CFAP77: variants seen among roughly 807,000 people sequenced by gnomAD.
The protein encoded by CFAP77 is cilia- and flagella-associated protein 77.
Under a neutral mutation model 31.1 loss-of-function variants are expected in CFAP77, and 25 were observed. That is an observed-to-expected ratio of 0.80 (90% CI 0.59 to 1.12). The LOEUF is 1.12. Among genes scored for constraint, CFAP77 ranks in the 50% most tolerant of loss-of-function variants. The pLI is 0.00. For synonymous variants in CFAP77, 151 were observed against 159.9 expected, an observed-to-expected ratio of 0.94 and a Z score of 0.42; for missense variants, 377 against 397.3, an observed-to-expected ratio of 0.95 and a Z score of 0.44.
chr9:132,446,655 A>C (rs1003059367), intron 1 of CFAP77, among the ~76,000 whole-genome samples: 8 of 148,328 alleles, frequency 5.4e-5, no homozygotes, highest in African/African-American at 1.7e-4. Flanking sequence ...GCAGGAGAAT[A>C]GTGTGAACCC....
intron 4 of CFAP77, among the ~76,000 whole-genome samples, chr9:132,540,539 A>G (rs1852623085): frequency 1.3e-5 from 2 of 152,218 alleles, no homozygotes; most frequent in Admixed American, 1.3e-4. Context: ...GCCCTATCAC[A>G]AAAGACAGAT....
rs533605146 is a variant in CFAP77 at position 132,497,731 on chromosome 9, G to A, written c.196-964G>A. Reference sequence around the variant, plus strand: ...ATGGTAATGAGACCTGCCTCACTGCGCAGCTATGCAGACGGCATGAGGGAA... The same window carrying A: ...ATGGTAATGAGACCTGCCTCACTGCACAGCTATGCAGACGGCATGAGGGAA... On this transcript the variant is annotated intron_variant, in intron 1 of 5. Transcript: ENST00000393216. The surrounding 1 kb of genome is among the most constrained non-coding windows in gnomAD (Gnocchi z 4.9). Among the ~76,000 whole-genome samples, 10 of 152,218 alleles carry A rather than the reference G, an allele frequency of 6.6e-5. No individual in the cohort carries two copies. The highest frequency in any genetic ancestry group is 1.9e-4 in the East Asian group (1 of 5,170).
intron 5 of CFAP77, among the ~76,000 whole-genome samples, chr9:132,559,186 T>C (rs1852953014): frequency 6.7e-6 from 1 of 150,198 alleles, no homozygotes; most frequent in Non-Finnish European, 1.5e-5. Context: ...CTACTAAAAA[T>C]ACAAAAAAAT....
chr9:132,438,707 G>A (rs1048505069), intron 1 of CFAP77, among the ~76,000 whole-genome samples: 3 of 148,652 alleles, frequency 2.0e-5, no homozygotes, highest in Non-Finnish European at 4.5e-5. Context: ...GGCTAATTTT[G>A]TATTTTTTAT....
At chr9:132,459,420 G>GGTGTGTGTGTGTGTGTGTGTGT (rs112825234) in intron 1 of CFAP77, among the ~76,000 whole-genome samples, 5 of 143,866 alleles carry the variant, frequency 3.5e-5, no homozygotes, top group East Asian at 2.0e-4. Flanking sequence ...GGATGAATAG[G>GGTGTGTGTGTGTGTGTGTGTGT]GTGTGTGTGT....
intron 1 of CFAP77, among the ~76,000 whole-genome samples, chr9:132,488,758 C>T (rs1025216659): frequency 1.3e-5 from 2 of 152,222 alleles, no homozygotes; most frequent in Non-Finnish European, 2.9e-5. Flanking sequence ...GGCTTGGTTC[C>T]CAGCATGGGT....
chr9:132,459,831 A>C (rs1851016866), intron 1 of CFAP77, among the ~76,000 whole-genome samples: 1 of 145,412 alleles, frequency 6.9e-6, no homozygotes, highest in Non-Finnish European at 1.5e-5. Context: ...GAGTGTGCGT[A>C]TGTGTGGGAG....
intron 3 of CFAP77, among the ~76,000 whole-genome samples, chr9:132,500,404 T>A (rs1851822864): frequency 6.6e-6 from 1 of 152,218 alleles, no homozygotes; most frequent in African/African-American, 2.4e-5. Context: ...TATAAAAACC[T>A]GAGCACAGGG....
chr9:132,464,275 C>T (rs747120799), intron 1 of CFAP77, among the ~76,000 whole-genome samples: 6 of 152,092 alleles, frequency 3.9e-5, no homozygotes, highest in African/African-American at 1.4e-4. Flanking sequence ...CGGTCTCTGC[C>T]GCCTCCTCCC....
intron 1 of CFAP77, among the ~76,000 whole-genome samples, chr9:132,428,904 A>G (rs75602744): frequency 0.023 from 3,520 of 152,090 alleles, 133 homozygotes; most frequent in African/African-American, 0.081. Context: ...GGCTTCTGTC[A>G]TATCTCATTC....
chr9:132,504,255 G>A (rs991467455), intron 3 of CFAP77, among the ~76,000 whole-genome samples: 1 of 152,198 alleles, frequency 6.6e-6, no homozygotes, highest in African/African-American at 2.4e-5. Context: ...CCTTGGAACC[G>A]ATGTGCAGCC....
chr9:132,545,686 T>C lies in CFAP77; in HGVS notation c.732+2639T>C, dbSNP rs918633776. ...ATGGGTGTCACACGCAGTCGCCTCC[T>C]TGTCAGGAAGTAACACCAACAAAAA... is the stretch of plus-strand genomic sequence containing the variant. On this transcript the variant is annotated intron_variant, in intron 5 of 5. Coordinates refer to ENST00000393216, the MANE Select transcript of CFAP77 (RefSeq NM_001282957.2). The surrounding 1 kb of genome is among the most constrained non-coding windows in gnomAD (Gnocchi z 4.6). Among the ~76,000 whole-genome samples the C allele has an allele frequency of 2.0e-5, 3 of 152,158 alleles. No homozygotes were observed. Among genetic ancestry groups the C allele is most frequent in the Admixed American group, 6.5e-5 (1 of 15,274 alleles).
Position 132,499,241 on chromosome 9 carries a change from G to T in CFAP77, c.296-131G>T. 1.3e-6 allele frequency: 1 copy of T among 764,136 alleles called. No individual in the cohort carries two copies. The highest frequency in any genetic ancestry group is 2.7e-5 in the East Asian group (1 of 37,228). 47.3% of individuals were successfully genotyped at this position (764,136 alleles called of 1,614,324 possible). On this transcript the variant is annotated intron_variant, in intron 2 of 5. Transcript: ENST00000393216. This position sits in a 1 kb window ranked among gnomAD's most constrained non-coding sequence, Gnocchi z 5.4. Reference sequence around the variant, plus strand: ...TCATGCTTTCTGGGGGCCAGGCAGGGTTGTCACCCAGTAGGCTCAGGTAAA... The same window carrying T: ...TCATGCTTTCTGGGGGCCAGGCAGGTTTGTCACCCAGTAGGCTCAGGTAAA...
intron 4 of CFAP77, among the ~76,000 whole-genome samples, chr9:132,538,461 T>C (rs1222903010): frequency 6.6e-6 from 1 of 152,232 alleles, no homozygotes; most frequent in Non-Finnish European, 1.5e-5. Flanking sequence ...AAACCATCTT[T>C]AATTCTTCGT....
In CFAP77 at chr9:132,461,357, C is replaced by T. The variant is rs1032765896; in HGVS notation, c.196-37338C>T. On this transcript the variant is annotated intron_variant, in intron 1 of 5. Transcript: ENST00000393216. ...TGCTTTTGCAGGTCTCTCTGTCTTA[C>T]GCCAGGATGAGTTAAAGACCCCTGG... Among the ~76,000 whole-genome samples the T allele has an allele frequency of 1.1e-4, 17 of 152,202 alleles. No homozygotes were observed. In the South Asian group the frequency reaches 2.3e-3, roughly 20 times the overall value.
At chr9:132,558,426 C>T (rs1428369663) in intron 5 of CFAP77, among the ~76,000 whole-genome samples, 1 of 152,202 alleles carries the variant, frequency 6.6e-6, no homozygotes, top group African/African-American at 2.4e-5. Context: ...TAATAAAATC[C>T]AGGTGTGGTG....
chr9:132,439,631 G>A (rs1313121890), intron 1 of CFAP77, among the ~76,000 whole-genome samples: 1 of 152,014 alleles, frequency 6.6e-6, no homozygotes, highest in Non-Finnish European at 1.5e-5. Flanking sequence ...CAGATCACGA[G>A]GTCAGGAGAT....
chr9:132,466,586 G>A (rs908628931), intron 1 of CFAP77, among the ~76,000 whole-genome samples: 7 of 152,280 alleles, frequency 4.6e-5, no homozygotes, highest in Middle Eastern at 3.4e-3. Context: ...CTGCACATCC[G>A]GTCCTTGGGA....
At chr9:132,415,799 C>A (rs949359533) in intron 1 of CFAP77, among the ~76,000 whole-genome samples, 1 of 152,186 alleles carries the variant, frequency 6.6e-6, no homozygotes, top group Non-Finnish European at 1.5e-5. Context: ...ACCCCGTTTT[C>A]TATTGCAGTG....
Sources: gnomAD v4.1 joint callset for allele counts (sites outside exome capture counted in the v4.1 genomes callset) on GRCh38, gnomAD v4.1.1 for gene constraint, Gnocchi (gnomAD v3.1) non-coding constraint, MANE v1.5 for transcripts, NCBI Gene and HGNC (gene_info 2026-07-23, HGNC 2026-07-21) for gene names.